The following SRPX variants were observed in gnomAD, a reference collection of about 807,000 sequenced individuals.
The protein encoded by SRPX is sushi repeat containing protein X-linked.
Under a neutral mutation model 38.1 loss-of-function variants are expected in SRPX, and 24 were observed. The ratio of observed to expected loss-of-function variants is 0.63; its 90% CI spans 0.46 to 0.89. SRPX has a LOEUF of 0.89. Ranked by LOEUF, SRPX falls within the 40% of genes least tolerant of loss-of-function variation. SRPX has a pLI of 0.00. For missense variants in SRPX, 416 were observed against 377.8 expected (o/e 1.10, Z -0.84); for synonymous variants, 184 against 153.8 (o/e 1.20, Z -1.45).
intron 1 of SRPX, among the ~76,000 whole-genome samples, chrX:38,201,210 A>G (rs1191336393): frequency 9.0e-6 from 1 of 111,518 alleles, no homozygotes; most frequent in African/African-American, 3.3e-5. Flanking sequence ...ACCTCACACA[A>G]AAGACTTTTC....
At chrX:38,205,282 G>C (rs1238136527) in intron 1 of SRPX, among the ~76,000 whole-genome samples, 1 of 112,280 alleles carries the variant, frequency 8.9e-6, no homozygotes, top group African/African-American at 3.2e-5. Flanking sequence ...ACAGTTGGCA[G>C]ACGAAAGCAG....
chrX:38,191,184 C>T (rs1432560150), intron 1 of SRPX, among the ~76,000 whole-genome samples: 2 of 111,741 alleles, frequency 1.8e-5, no homozygotes, highest in Non-Finnish European at 3.8e-5. Context: ...AAAGCTTTTT[C>T]GAAACTGGTT....
intron 9 of SRPX, among the ~76,000 whole-genome samples, chrX:38,150,323 C>T (rs1256697311): frequency 5.4e-5 from 6 of 112,028 alleles, no homozygotes; most frequent in Admixed American, 1.9e-4. Context: ...TTGGAATCAA[C>T]CCAAAACCCA....
chrX:38,160,760 C>T (rs771223589), intron 6 of SRPX, among the ~76,000 whole-genome samples, 173 bp downstream of exon 6: 164 of 111,497 alleles, frequency 1.5e-3, no homozygotes, highest in Middle Eastern at 4.6e-3. Flanking sequence ...GGATGTGTAT[C>T]GTGAAATTCA....
chrX:38,195,399 T>TG (rs1169154196), intron 1 of SRPX, among the ~76,000 whole-genome samples: 49 of 108,313 alleles, frequency 4.5e-4, no homozygotes, highest in Non-Finnish European at 7.6e-4. Flanking sequence ...TTTTTTTTTT[T>TG]TTACCATACC....
chrX:38,206,038 G>A (rs1939203957), intron 1 of SRPX, among the ~76,000 whole-genome samples: 1 of 112,953 alleles, frequency 8.9e-6, no homozygotes, highest in African/African-American at 3.2e-5. Flanking sequence ...CTAATAGAAT[G>A]TAACAGAAGT....
intron 1 of SRPX, among the ~76,000 whole-genome samples, chrX:38,184,909 A>G (rs1465094755): frequency 8.9e-6 from 1 of 112,413 alleles, no homozygotes; most frequent in African/African-American, 3.2e-5. Flanking sequence ...GGCAGCCACT[A>G]GTCCTATGTG....
chrX:38,151,471 G>T (rs1389007860), intron 9 of SRPX, among the ~76,000 whole-genome samples: 1 of 111,629 alleles, frequency 9.0e-6, no homozygotes, highest in Admixed American at 9.5e-5. Flanking sequence ...AGAAATTGGA[G>T]CATTCATTTT....
In SRPX at chrX:38,220,720, C is replaced by T. The variant is rs370845777; in HGVS notation, c.73G>A (p.Val25Ile). The change falls in exon 1 of 10, where the codon GTC becomes ATC. Residue 25 changes from valine (V) to isoleucine (I), a missense_variant. Coordinates refer to ENST00000378533, the MANE Select transcript of SRPX (RefSeq NM_006307.5). ...CCTGGGAAGCTGCGGCTGGGCGGGACGCGCAGCAGCAGCAGCAGCAGCAGA... is the reference window on the plus strand; with the variant it reads ...CCTGGGAAGCTGCGGCTGGGCGGGATGCGCAGCAGCAGCAGCAGCAGCAGA... ...PPLLLLLLLR[V>I]PPSRSFPGSG... The T allele has an allele frequency of 9.8e-5, 113 of 1,157,817 alleles. No homozygotes were observed. In the African/African-American group the frequency reaches 2.0e-3, roughly 20 times the overall value.
chrX:38,155,432 A>T (rs1938115900), intron 8 of SRPX, among the ~76,000 whole-genome samples: 1 of 112,127 alleles, frequency 8.9e-6, no homozygotes. Context: ...TTATCCAACC[A>T]GTTGTTAAGT....
At chrX:38,205,757 A>G (rs1297936671) in intron 1 of SRPX, among the ~76,000 whole-genome samples, 1 of 112,553 alleles carries the variant, frequency 8.9e-6, no homozygotes, top group East Asian at 2.8e-4. Flanking sequence ...TGAACTTTCA[A>G]TGAATCTGCA....
At chrX:38,214,415 G>A (rs192641084) in intron 1 of SRPX, among the ~76,000 whole-genome samples, 151 of 110,897 alleles carry the variant, frequency 1.4e-3, no homozygotes, top group Middle Eastern at 4.6e-3. Context: ...CTGGCCAGAG[G>A]CATGCCCCCC....
At chrX:38,219,389 T>A (rs1360811042) in intron 1 of SRPX, among the ~76,000 whole-genome samples, 1 of 110,584 alleles carries the variant, frequency 9.0e-6, no homozygotes, top group Non-Finnish European at 1.9e-5. Context: ...CCTCTTCCCC[T>A]ACAGGTTCAT....
At chrX:38,184,993 T>A (rs1938745639) in intron 1 of SRPX, among the ~76,000 whole-genome samples, 1 of 112,218 alleles carries the variant, frequency 8.9e-6, no homozygotes, top group African/African-American at 3.2e-5. Flanking sequence ...TTTTAGTTAA[T>A]TTAAATTTAC....
chrX:38,157,074 T>G (rs762212568), intron 7 of SRPX, 45 bp from the exon 8 acceptor site: 1 of 1,195,864 alleles, frequency 8.4e-7, no homozygotes, highest in African/African-American at 1.8e-5. Context: ...TTCCACTTGT[T>G]CTGGCTCAAC....
At chrX:38,166,798 C>A (rs1473493239) in intron 4 of SRPX, among the ~76,000 whole-genome samples, 1 of 111,806 alleles carries the variant, frequency 8.9e-6, no homozygotes, top group African/African-American at 3.3e-5. Flanking sequence ...GAGTGAAAAG[C>A]AACTTAGTCT....
Position 38,211,169 on chromosome X carries a change from CATT to C in SRPX, c.97+9524_97+9526del, listed in dbSNP as rs1445644471. Among the ~76,000 whole-genome samples, 7 of 112,154 alleles carry C rather than the reference CATT, an allele frequency of 6.2e-5. 1 individual carries two copies. The highest frequency in any genetic ancestry group is 1.9e-4 in the Admixed American group (2 of 10,600). On this transcript the variant is annotated intron_variant, in intron 1 of 9. Coordinates refer to ENST00000378533, the MANE Select transcript of SRPX (RefSeq NM_006307.5). The stretch of plus-strand genomic sequence containing the variant: ...TATATCATTTTCATTTGTCACAAAA[CATT>C]ATTATTCTTTTGATTTTTTTTCAAT...
At chrX:38,150,612 G>A (rs1937994417) in intron 9 of SRPX, among the ~76,000 whole-genome samples, 1 of 112,224 alleles carries the variant, frequency 8.9e-6, no homozygotes, top group Non-Finnish European at 1.9e-5. Flanking sequence ...CTCTGGGCTA[G>A]GTAAAGCTGA....
At position 38,171,865 on chromosome X, in the gene SRPX, T is replaced by G. The variant is rs761936351; in HGVS notation, c.526+16A>C. The G allele has an allele frequency of 8.3e-7, 1 of 1,210,440 alleles. No individual in the cohort carries two copies. On this transcript the variant is annotated intron_variant, in intron 4 of 9. Transcript: ENST00000378533. The stretch of plus-strand genomic sequence containing the variant: ...CCCAAAGCAAGTGCCTCCTAAGGGC[T>G]GTGGCATTTTCTTACCCACACAGGA...
Sources: gnomAD v4.1 joint callset for allele counts (sites outside exome capture counted in the v4.1 genomes callset) on GRCh38, gnomAD v4.1.1 for gene constraint, MANE v1.5 for transcripts, NCBI Gene and HGNC (gene_info 2026-07-23, HGNC 2026-07-21) for gene names.